Variants in TUT7 observed in about 807,000 individuals in gnomAD.
TUT7 encodes terminal uridylyltransferase 7.
TUT7 carries 33 observed loss-of-function variants against 165.9 expected under a neutral mutation model. The observed-to-expected ratio is 0.20, with a 90% CI of 0.15 to 0.27. The LOEUF (loss-of-function observed/expected upper bound fraction) is 0.27. Ranked by LOEUF, TUT7 falls within the 10% of genes least tolerant of loss-of-function variation. The pLI is 1.00. For missense variants in TUT7, 1,338 were observed against 1,762.3 expected (o/e 0.76, Z 4.31); for synonymous variants, 552 against 608.1 (o/e 0.91, Z 1.36).
chr9:86,307,015 AT>A (rs1827566611), intron 22 of TUT7, among the ~76,000 whole-genome samples: 1 of 152,214 alleles, frequency 6.6e-6, no homozygotes, highest in South Asian at 2.1e-4. Flanking sequence ...CACGCCTGTA[AT>A]CCCAGCACTT....
intron 17 of TUT7, 78 bp from the exon 18 acceptor site, chr9:86,310,887 T>C (rs1380622426): frequency 2.5e-6 from 2 of 816,054 alleles, no homozygotes; most frequent in East Asian, 2.5e-5. Context: ...TGTTCCAATA[T>C]AAAATGGTGT....
chr9:86,327,482 C>G (rs972764616), intron 11 of TUT7, among the ~76,000 whole-genome samples: 7 of 152,114 alleles, frequency 4.6e-5, no homozygotes, highest in African/African-American at 1.7e-4. Context: ...AGTCACTTGC[C>G]CAAGGACACA....
At chr9:86,339,053 A>G in intron 8 of TUT7, 104 bp from the exon 9 acceptor site, 1 of 1,026,796 alleles carries the variant, frequency 9.7e-7, no homozygotes, top group Non-Finnish European at 1.3e-6. Flanking sequence ...ATGCATAATA[A>G]ATACTTCAAA....
At chr9:86,308,761 T>C (rs1234054380) in intron 21 of TUT7, among the ~76,000 whole-genome samples, 155 bp from the exon 22 acceptor site, 1 of 152,252 alleles carries the variant, frequency 6.6e-6, no homozygotes, top group Non-Finnish European at 1.5e-5. Flanking sequence ...ATAATTTACA[T>C]AAGTTTATTA....
At chr9:86,312,991 T>C (rs1828345467) in intron 17 of TUT7, among the ~76,000 whole-genome samples, 1 of 152,108 alleles carries the variant, frequency 6.6e-6, no homozygotes, top group Admixed American at 6.5e-5. Flanking sequence ...CGCAGGGTCC[T>C]CTGCCTAGGA....
chr9:86,298,744 T>G (rs1826590435), intron 26 of TUT7: 4 of 971,384 alleles, frequency 4.1e-6, no homozygotes, highest in South Asian at 9.5e-5. Context: ...AACACACATT[T>G]GTTTTTTTTA....
At chr9:86,328,567 T>TA (rs929097466) in intron 10 of TUT7, 75 bp from the exon 11 acceptor site, 11 of 1,288,798 alleles carry the variant, frequency 8.5e-6, no homozygotes, top group East Asian at 2.6e-5. Context: ...AATCTTGGAA[T>TA]AAAAAAATAC....
At chr9:86,337,271 A>C in intron 10 of TUT7, 148 bp downstream of exon 10, 1 of 858,040 alleles carries the variant, frequency 1.2e-6, no homozygotes, top group Non-Finnish European at 1.8e-6. Context: ...GTATTTCAGC[A>C]GTGAAAGGTA....
In TUT7 at chr9:86,288,482, G is replaced by T; in HGVS notation, c.*195C>A. ...CTATTAAAATCCTTAAATCTATGGG[G>T]ATGTGTGGTAGATAAGACTATATTA... On this transcript the variant is annotated 3_prime_UTR_variant, in exon 27 of 27. Coordinates refer to ENST00000375963, the MANE Select transcript of TUT7 (RefSeq NM_024617.4). 2.4e-6 allele frequency: 1 copy of T among 414,562 alleles called. No individual in the cohort carries two copies. 25.7% of individuals were successfully genotyped at this position (414,562 alleles called of 1,614,324 possible). A position where few individuals can be genotyped will look rare whatever the true frequency, so the allele number is the denominator to read the frequency against.
chr9:86,319,461 T>C (rs1477092627), intron 15 of TUT7, 123 bp downstream of exon 15: 8 of 699,626 alleles, frequency 1.1e-5, no homozygotes, highest in African/African-American at 5.4e-5. Flanking sequence ...CCAAGGACCA[T>C]CCTGGGTATA....
intron 25 of TUT7, among the ~76,000 whole-genome samples, chr9:86,302,180 A>C (rs7042487): frequency 1.6e-4 from 25 of 152,276 alleles, no homozygotes; most frequent in South Asian, 4.1e-4. Context: ...ACAGTTAAAA[A>C]CACCACCACT....
At chr9:86,317,820 A>T (rs1828865615) in intron 16 of TUT7, among the ~76,000 whole-genome samples, 2 of 152,330 alleles carry the variant, frequency 1.3e-5, no homozygotes, top group African/African-American at 4.8e-5. Flanking sequence ...TCTTAAAAAC[A>T]TTTGGGCTGA....
At chr9:86,289,306 G>C (rs1181625697) in intron 26 of TUT7, among the ~76,000 whole-genome samples, 1 of 152,128 alleles carries the variant, frequency 6.6e-6, no homozygotes, top group Non-Finnish European at 1.5e-5. Flanking sequence ...TGAACAAATA[G>C]ATCAACGAAA....
intron 24 of TUT7, among the ~76,000 whole-genome samples, chr9:86,304,305 G>A (rs935418557): frequency 1.2e-4 from 19 of 152,108 alleles, no homozygotes; most frequent in African/African-American, 4.3e-4. Context: ...AGATCATCTA[G>A]TCCCTAGCCA....
At chr9:86,310,157 GA>G in intron 18 of TUT7, 140 bp from the exon 19 acceptor site, 4 of 625,850 alleles carry the variant, frequency 6.4e-6, no homozygotes, top group Non-Finnish European at 1.1e-5. Flanking sequence ...GGGCTCAAGT[GA>G]TCCTCCCCCA....
In TUT7 at chr9:86,288,584, G is replaced by T; in HGVS notation, c.*93C>A. ...TCCCTTAAATGTTAAGTTGAAGCCT[G>T]ATCTACACTGCTGTGTCCTGTGAAA... On this transcript the variant is annotated 3_prime_UTR_variant, in exon 27 of 27. Coordinates refer to ENST00000375963, the MANE Select transcript of TUT7 (RefSeq NM_024617.4). The T allele has an allele frequency of 2.2e-6, 2 of 898,182 alleles. No individual in the cohort carries two copies. Among genetic ancestry groups the T allele is most frequent in the Non-Finnish European group, 3.5e-6 (2 of 579,644 alleles). 55.6% of individuals were successfully genotyped at this position (898,182 alleles called of 1,614,324 possible).
chr9:86,318,702 G>C (rs1301296682), intron 16 of TUT7, among the ~76,000 whole-genome samples: 1 of 152,166 alleles, frequency 6.6e-6, no homozygotes, highest in Non-Finnish European at 1.5e-5. Context: ...TGAAGAGGCT[G>C]GTTTGGCTAT....
At chr9:86,342,250 C>T (rs914466211) in intron 6 of TUT7, among the ~76,000 whole-genome samples, 4 of 151,996 alleles carry the variant, frequency 2.6e-5, no homozygotes, top group South Asian at 2.1e-4. Flanking sequence ...CTCAGTCTCC[C>T]GAGTAGCTGG....
In TUT7 at chr9:86,329,604, T is replaced by C. The variant is rs1307658538; in HGVS notation, c.1456-1112A>G. Among the ~76,000 whole-genome samples, 3 of 152,012 alleles carry C rather than the reference T, an allele frequency of 2.0e-5. No individual in the cohort carries two copies. The East Asian group carries it at 5.8e-4, about 29-fold the overall frequency. On this transcript the variant is annotated intron_variant, in intron 10 of 26. Transcript: ENST00000375963. The stretch of plus-strand genomic sequence containing the variant: ...TATGGGATGGAGTATGGATGTGACA[T>C]CACATTTCCCAAATGTATTTTTATA...
Sources: gnomAD v4.1 joint callset for allele counts (sites outside exome capture counted in the v4.1 genomes callset) on GRCh38, gnomAD v4.1.1 for gene constraint, MANE v1.5 for transcripts, NCBI Gene and HGNC (gene_info 2026-07-23, HGNC 2026-07-21) for gene names.